Variants in RIT2 observed in about 807,000 individuals in gnomAD.
RIT2 encodes Ras like without CAAX 2.
RIT2 carries 24 observed loss-of-function variants against 23.7 expected under a neutral mutation model. The observed-to-expected ratio is 1.01, with a 90% CI of 0.73 to 1.43. The LOEUF (loss-of-function observed/expected upper bound fraction) is 1.43, where lower values mean the gene tolerates loss of function less well. Among genes scored for constraint, RIT2 ranks in the 40% most tolerant of loss-of-function variants. The probability of loss-of-function intolerance (pLI) is 0.00; values close to 1 mark genes in which losing one functional copy is unlikely to be tolerated. For missense variants in RIT2, 236 were observed against 266.9 expected, an observed-to-expected ratio of 0.88 and a Z score of 0.81; for synonymous variants, 107 against 91.1, an observed-to-expected ratio of 1.17 and a Z score of -0.99.
At chr18:42,821,554 C>T (rs57372542) in intron 4 of RIT2, among the ~76,000 whole-genome samples, 23,303 of 151,912 alleles carry the variant, frequency 0.15, 4,294 homozygotes, top group African/African-American at 0.42. Flanking sequence ...GAAGAGGAGG[C>T]ACCGGAGATG....
At chr18:43,009,725 C>T (rs1911308000) in intron 2 of RIT2, among the ~76,000 whole-genome samples, 1 of 151,720 alleles carries the variant, frequency 6.6e-6, no homozygotes, top group Non-Finnish European at 1.5e-5. Flanking sequence ...CCACCCACCA[C>T]CATATTCCAA....
chr18:43,051,329 T>G (rs911393408), intron 1 of RIT2, among the ~76,000 whole-genome samples: 5 of 152,122 alleles, frequency 3.3e-5, no homozygotes, highest in African/African-American at 1.2e-4. Context: ...GGAAGTTTTG[T>G]AATAGAATGA....
chr18:42,890,851 C>G (rs1449275656), intron 4 of RIT2, among the ~76,000 whole-genome samples: 2 of 151,988 alleles, frequency 1.3e-5, no homozygotes, highest in Non-Finnish European at 2.9e-5. Flanking sequence ...AAACACAGAG[C>G]TATATTAGGG....
chr18:42,939,521 C>A (rs1310317396), intron 3 of RIT2, among the ~76,000 whole-genome samples: 1 of 152,070 alleles, frequency 6.6e-6, no homozygotes, highest in Non-Finnish European at 1.5e-5. Flanking sequence ...AAGCCTAAAG[C>A]CACAGATAAT....
At chr18:42,958,931 T>C (rs1910036532) in intron 3 of RIT2, among the ~76,000 whole-genome samples, 1 of 152,178 alleles carries the variant, frequency 6.6e-6, no homozygotes, top group Non-Finnish European at 1.5e-5. Context: ...CATATGTCAG[T>C]TTTCATGCCA....
intron 4 of RIT2, among the ~76,000 whole-genome samples, chr18:42,767,179 A>G (rs570944072): frequency 6.6e-6 from 1 of 152,226 alleles, no homozygotes; most frequent in South Asian, 2.1e-4. Flanking sequence ...ATCCACCAAC[A>G]TCTTGCACCG....
chr18:43,051,483 A>C (rs76265510), intron 1 of RIT2, among the ~76,000 whole-genome samples: 2,422 of 152,204 alleles, frequency 0.016, 72 homozygotes, highest in African/African-American at 0.054. Flanking sequence ...AACAAGACAA[A>C]AAATTTCCAT....
chr18:42,884,375 T>C (rs551348825), intron 4 of RIT2, among the ~76,000 whole-genome samples: 1 of 152,332 alleles, frequency 6.6e-6, no homozygotes, highest in East Asian at 1.9e-4. Context: ...ATACCAGTCA[T>C]CTAAGAAAAC....
At position 42,976,164 on chromosome 18, in the gene RIT2, C is replaced by T. The variant is rs185680552; in HGVS notation, c.161-2017G>A. On this transcript the variant is annotated intron_variant, in intron 2 of 4. Transcript: ENST00000326695. ...ACTTTGTATGATTTGAATATTACTT[C>T]CCACTTATACTTGAAAGATAAAGAA... Among the ~76,000 whole-genome samples, 1,353 of 152,012 alleles carry T rather than the reference C, an allele frequency of 8.9e-3. 8 individuals carry two copies. The highest frequency in any genetic ancestry group is 0.012 in the Non-Finnish European group (817 of 67,976).
At chr18:42,876,015 A>AT (rs1043926354) in intron 4 of RIT2, among the ~76,000 whole-genome samples, 7 of 152,044 alleles carry the variant, frequency 4.6e-5, no homozygotes, top group South Asian at 2.1e-4. Context: ...GCATCAACAG[A>AT]TTTTTTTATG....
At chr18:42,884,550 C>T (rs1044934707) in intron 4 of RIT2, among the ~76,000 whole-genome samples, 2 of 152,152 alleles carry the variant, frequency 1.3e-5, no homozygotes, top group Admixed American at 1.3e-4. Context: ...AATTCAATCA[C>T]CCTCAGTATT....
At chr18:43,105,652 C>G (rs1913806159) in intron 1 of RIT2, among the ~76,000 whole-genome samples, 1 of 152,078 alleles carries the variant, frequency 6.6e-6, no homozygotes, top group Non-Finnish European at 1.5e-5. Context: ...AAAAGGGAGA[C>G]TCAAAGAGCT....
chr18:43,084,940 A>T (rs1913246415), intron 1 of RIT2, among the ~76,000 whole-genome samples: 1 of 152,006 alleles, frequency 6.6e-6, no homozygotes, highest in Admixed American at 6.6e-5. Flanking sequence ...CTATCAATTG[A>T]GGGTTTCTGT....
intron 4 of RIT2, among the ~76,000 whole-genome samples, chr18:42,774,586 T>C (rs1913624764): frequency 6.6e-6 from 1 of 151,992 alleles, no homozygotes; most frequent in African/African-American, 2.4e-5. Flanking sequence ...ACAGGGATAT[T>C]TTTTTTGAAC....
intron 1 of RIT2, among the ~76,000 whole-genome samples, chr18:43,044,320 AAAG>A (rs1402851020): frequency 1.3e-5 from 2 of 152,176 alleles, no homozygotes; most frequent in Admixed American, 6.5e-5. Flanking sequence ...TTCTACAATG[AAAG>A]AAGTTCTCCT....
intron 3 of RIT2, among the ~76,000 whole-genome samples, chr18:42,961,093 T>C (rs962225154): frequency 1.9e-4 from 29 of 152,196 alleles, no homozygotes; most frequent in Non-Finnish European, 1.3e-4. Context: ...AGGGGAATTA[T>C]TTTAAAAGTC....
At chr18:43,063,914 C>T (rs895559170) in intron 1 of RIT2, among the ~76,000 whole-genome samples, 2 of 152,108 alleles carry the variant, frequency 1.3e-5, no homozygotes, top group Admixed American at 1.3e-4. Context: ...ATGACAACTC[C>T]TCATTACAGA....
At chr18:43,065,639 T>C (rs1912754527) in intron 1 of RIT2, among the ~76,000 whole-genome samples, 1 of 152,162 alleles carries the variant, frequency 6.6e-6, no homozygotes. Context: ...CTATCTCATT[T>C]TCACCTCCTT....
intron 3 of RIT2, among the ~76,000 whole-genome samples, chr18:42,926,541 A>T (rs1598717769): frequency 6.6e-6 from 1 of 152,110 alleles, no homozygotes; most frequent in East Asian, 1.9e-4. Context: ...AAAATATACC[A>T]TAATGAATGA....
Sources: allele counts gnomAD v4.1 joint callset (sites outside exome capture counted in the v4.1 genomes callset), GRCh38; gene constraint gnomAD v4.1.1; transcripts MANE v1.5; gene names NCBI Gene and HGNC (gene_info 2026-07-23, HGNC 2026-07-21).